DSCAM: variants seen among roughly 807,000 people sequenced by gnomAD.
DSCAM encodes the protein cell adhesion molecule DSCAM.
DSCAM carries 47 observed loss-of-function variants against 217.7 expected under a neutral mutation model. That is an observed-to-expected ratio of 0.22 (90% CI 0.17 to 0.28). DSCAM has a LOEUF of 0.28. Among genes scored for constraint, DSCAM ranks in the 10% least tolerant of loss-of-function variants. The pLI is 1.00. For synonymous variants in DSCAM, 1,056 were observed against 1,015.3 expected (o/e 1.04, Z -0.76); for missense variants, 2,080 against 2,618.3 (o/e 0.79, Z 4.49).
chr21:40,436,019 C>G (rs999613550), intron 3 of DSCAM, among the ~76,000 whole-genome samples: 1 of 152,150 alleles, frequency 6.6e-6, no homozygotes, highest in Non-Finnish European at 1.5e-5. Context: ...TTTTGCCCAA[C>G]TGTAGGCTAA....
chr21:40,605,084 A>T (rs575548453), intron 3 of DSCAM, among the ~76,000 whole-genome samples: 1 of 152,292 alleles, frequency 6.6e-6, no homozygotes, highest in Non-Finnish European at 1.5e-5. Context: ...TTTTTCTCTG[A>T]CCTTCATGTG....
chr21:40,432,839 T>C (rs1318454874), intron 3 of DSCAM, among the ~76,000 whole-genome samples: 3 of 152,012 alleles, frequency 2.0e-5, no homozygotes, highest in African/African-American at 7.2e-5. Context: ...GAGGGTGAAG[T>C]CATGTGCCCA....
At chr21:40,160,485 T>C (rs2090528582) in intron 16 of DSCAM, among the ~76,000 whole-genome samples, 2 of 152,224 alleles carry the variant, frequency 1.3e-5, no homozygotes, top group African/African-American at 4.8e-5. Flanking sequence ...TATATATATG[T>C]TACTGTAAAG....
At chr21:40,584,868 T>C (rs2076932232) in intron 3 of DSCAM, among the ~76,000 whole-genome samples, 1 of 152,154 alleles carries the variant, frequency 6.6e-6, no homozygotes, top group African/African-American at 2.4e-5. Flanking sequence ...CCCTCAGTGT[T>C]GAAAGTGGGG....
At chr21:40,207,570 C>T (rs1028038015) in intron 11 of DSCAM, among the ~76,000 whole-genome samples, 40 of 152,070 alleles carry the variant, frequency 2.6e-4, no homozygotes, top group African/African-American at 9.4e-4. Flanking sequence ...ATTATAGGAG[C>T]CTTTAGGCAC....
intron 11 of DSCAM, among the ~76,000 whole-genome samples, chr21:40,265,970 C>T (rs1320067449): frequency 6.6e-6 from 1 of 152,024 alleles, no homozygotes; most frequent in African/African-American, 2.4e-5. Flanking sequence ...TGTCTAGGAC[C>T]CCAAAAGCAA....
chr21:40,728,832 G>A (rs2090984361), intron 1 of DSCAM, among the ~76,000 whole-genome samples: 1 of 152,096 alleles, frequency 6.6e-6, no homozygotes, highest in Non-Finnish European at 1.5e-5. Flanking sequence ...TATTCTTACA[G>A]ACTGCACTAG....
intron 1 of DSCAM, among the ~76,000 whole-genome samples, chr21:40,780,397 ACG>A (rs2123423147): frequency 4.1e-5 from 2 of 49,340 alleles, no homozygotes; most frequent in Admixed American, 4.8e-4. Flanking sequence ...CCAAATATAA[ACG>A]TGTGTGTGTG....
intron 30 of DSCAM, among the ~76,000 whole-genome samples, chr21:40,048,759 A>T (rs2088882406): frequency 6.6e-6 from 1 of 152,238 alleles, no homozygotes; most frequent in Non-Finnish European, 1.5e-5. Flanking sequence ...TGGTGAGAAG[A>T]ACCGGCTCCA....
chr21:40,296,035 T>G lies in DSCAM; in HGVS notation c.2182+20A>C. Reference sequence around the variant, plus strand: ...TAGCAAATGTTTGACAGGTAACAAGTAGATCAAGTAACTCCATACCTTTAG... The same window carrying G: ...TAGCAAATGTTTGACAGGTAACAAGGAGATCAAGTAACTCCATACCTTTAG... On this transcript the variant is annotated intron_variant, in intron 10 of 32. Coordinates refer to ENST00000400454, the MANE Select transcript of DSCAM (RefSeq NM_001389.5). 2.5e-6 allele frequency: 4 copies of G among 1,608,672 alleles called. No homozygotes were observed. Among genetic ancestry groups the G allele is most frequent in the Non-Finnish European group, 3.4e-6 (4 of 1,178,232 alleles).
At chr21:40,304,422 A>C (rs943720068) in intron 9 of DSCAM, among the ~76,000 whole-genome samples, 1 of 152,230 alleles carries the variant, frequency 6.6e-6, no homozygotes, top group East Asian at 1.9e-4. Context: ...AACGTTCTCC[A>C]TATTAGCAAC....
intron 3 of DSCAM, among the ~76,000 whole-genome samples, chr21:40,575,569 G>A (rs1050465987): frequency 2.0e-5 from 3 of 152,092 alleles, no homozygotes; most frequent in African/African-American, 7.2e-5. Flanking sequence ...AATATTGTAA[G>A]AATCAGATAA....
intron 3 of DSCAM, among the ~76,000 whole-genome samples, chr21:40,377,587 C>A (rs1345338071): frequency 6.6e-6 from 1 of 151,844 alleles, no homozygotes; most frequent in African/African-American, 2.4e-5. Flanking sequence ...TGTGAGCATG[C>A]TGAGTCAGTT....
chr21:40,219,409 A>G (rs146849198), intron 11 of DSCAM, among the ~76,000 whole-genome samples: 253 of 152,314 alleles, frequency 1.7e-3, no homozygotes, highest in African/African-American at 5.8e-3. Flanking sequence ...AAACTTATTT[A>G]AACCCATAAT....
At chr21:40,323,392 ATTACT>A (rs1368722605) in intron 8 of DSCAM, among the ~76,000 whole-genome samples, 5 of 152,182 alleles carry the variant, frequency 3.3e-5, no homozygotes, top group Admixed American at 6.5e-5. Context: ...ATCCATTCAC[ATTACT>A]TTAACTCATC....
At chr21:40,498,655 G>GTA (rs1328876737) in intron 3 of DSCAM, among the ~76,000 whole-genome samples, 1 of 111,380 alleles carries the variant, frequency 9.0e-6, no homozygotes, top group East Asian at 2.8e-4. Flanking sequence ...TAGTGTGTGT[G>GTA]TATATATATA....
At chr21:40,166,152 A>G (rs1359629873) in intron 16 of DSCAM, among the ~76,000 whole-genome samples, 1 of 152,182 alleles carries the variant, frequency 6.6e-6, no homozygotes, top group East Asian at 1.9e-4. Flanking sequence ...GAAAGAACCC[A>G]TACTAGAAGG....
intron 3 of DSCAM, among the ~76,000 whole-genome samples, chr21:40,471,504 C>T (rs1413948736): frequency 2.6e-5 from 4 of 152,148 alleles, no homozygotes; most frequent in African/African-American, 7.2e-5. Flanking sequence ...CAGTCTGCTC[C>T]GAGGGCTTGG....
intron 11 of DSCAM, among the ~76,000 whole-genome samples, chr21:40,193,568 C>T (rs2090975848): frequency 6.6e-6 from 1 of 152,110 alleles, no homozygotes; most frequent in South Asian, 2.1e-4. Context: ...ACCATCAACC[C>T]CCACGCCCCA....
Sources: allele counts gnomAD v4.1 joint callset (sites outside exome capture counted in the v4.1 genomes callset), GRCh38; gene constraint gnomAD v4.1.1; transcripts MANE v1.5; gene names NCBI Gene and HGNC (gene_info 2026-07-23, HGNC 2026-07-21).